The following DYM variants were observed in gnomAD, a reference collection of about 807,000 sequenced individuals.
The protein encoded by DYM is dymeclin.
In DYM, 78 loss-of-function variants were observed where a neutral mutation model predicts 93.1. The observed-to-expected ratio is 0.84, with a 90% confidence interval of 0.70 to 1.01. DYM has a LOEUF of 1.01. DYM is among the 50% of genes least tolerant of loss of function. DYM has a pLI of 0.00. For synonymous variants in DYM, 321 were observed against 319.7 expected (o/e 1.00, Z -0.04); for missense variants, 789 against 845.0 (o/e 0.93, Z 0.82).
At chr18:49,451,784 T>C (rs1002668162) in intron 1 of DYM, among the ~76,000 whole-genome samples, 11 of 152,264 alleles carry the variant, frequency 7.2e-5, no homozygotes, top group African/African-American at 2.7e-4. Context: ...AGAGAAAATA[T>C]GCTCCAAAGC....
chr18:49,066,756 T>C (rs2076421580), intron 17 of DYM, among the ~76,000 whole-genome samples: 1 of 152,214 alleles, frequency 6.6e-6, no homozygotes, highest in Non-Finnish European at 1.5e-5. Flanking sequence ...ATACCTTCTT[T>C]ACTGCTTTTC....
intron 6 of DYM, among the ~76,000 whole-genome samples, chr18:49,335,531 GAAAGACAA>G (rs2063592984): frequency 6.6e-6 from 1 of 152,176 alleles, no homozygotes; most frequent in African/African-American, 2.4e-5. Flanking sequence ...TGAATTGAAT[GAAAGACAA>G]ACTTGATGTT....
At chr18:49,062,887 C>T (rs1338089771) in intron 17 of DYM, among the ~76,000 whole-genome samples, 1 of 152,170 alleles carries the variant, frequency 6.6e-6, no homozygotes, top group Non-Finnish European at 1.5e-5. Flanking sequence ...AAATGGATGT[C>T]GTGATGGGAA....
chr18:49,226,598 C>T (rs753046285), intron 13 of DYM, among the ~76,000 whole-genome samples: 1 of 152,158 alleles, frequency 6.6e-6, no homozygotes, highest in Non-Finnish European at 1.5e-5. Flanking sequence ...TTCCTTCTGG[C>T]ACTTTCTTGT....
chr18:49,275,266 T>C (rs923936098), intron 10 of DYM, among the ~76,000 whole-genome samples: 1 of 152,156 alleles, frequency 6.6e-6, no homozygotes, highest in East Asian at 1.9e-4. Context: ...TGGCTAAAAA[T>C]CAGTTGATGA....
chr18:49,384,532 G>A (rs1315409503), intron 3 of DYM, among the ~76,000 whole-genome samples: 1 of 151,144 alleles, frequency 6.6e-6, no homozygotes, highest in Non-Finnish European at 1.5e-5. Flanking sequence ...AGGCTGAGGT[G>A]GGACAATGGC....
At chr18:49,090,240 T>A (rs533893018) in intron 17 of DYM, among the ~76,000 whole-genome samples, 14 of 152,208 alleles carry the variant, frequency 9.2e-5, no homozygotes, top group Non-Finnish European at 1.8e-4. Context: ...AGAGCCACTG[T>A]GATTGTTGAA....
At chr18:49,342,068 T>A (rs2059814530) in intron 6 of DYM, among the ~76,000 whole-genome samples, 1 of 152,222 alleles carries the variant, frequency 6.6e-6, no homozygotes, top group Non-Finnish European at 1.5e-5. Context: ...TGCATTCCAT[T>A]CTGGAGGCTC....
intron 15 of DYM, among the ~76,000 whole-genome samples, chr18:49,147,712 T>C (rs2085319519): frequency 6.6e-6 from 1 of 151,966 alleles, no homozygotes; most frequent in Non-Finnish European, 1.5e-5. Flanking sequence ...GGAGAGGATG[T>C]GGAGAAATAG....
At chr18:49,453,961 T>G (rs2082749774) in intron 1 of DYM, among the ~76,000 whole-genome samples, 3 of 152,176 alleles carry the variant, frequency 2.0e-5, no homozygotes, top group Admixed American at 6.5e-5. Context: ...GAATGTTACT[T>G]TTATATTAAC....
At chr18:49,422,316 ACT>A (rs2073812475) in intron 2 of DYM, among the ~76,000 whole-genome samples, 1 of 152,204 alleles carries the variant, frequency 6.6e-6, no homozygotes, top group African/African-American at 2.4e-5. Context: ...CTCGGCAGAA[ACT>A]CTACAAGCCA....
chr18:49,460,407 C>G lies in DYM; in HGVS notation c.-63G>C, dbSNP rs2083406033. ...CGGCGCTACAGCCCACCTGTCTCAG[C>G]CGGCTGGGGGATCTGCTCCAGCTCC... On this transcript the variant is annotated 5_prime_UTR_variant, in exon 1 of 18. Coordinates refer to ENST00000675505, the MANE Select transcript of DYM (RefSeq NM_001353214.3). The G allele has an allele frequency of 6.6e-6, 1 of 152,260 alleles. No individual in the cohort carries two copies. Among genetic ancestry groups the G allele is most frequent in the Admixed American group, 6.5e-5 (1 of 15,290 alleles). The allele number at this position is 152,260 out of a possible 1,614,324, so 9.4% of individuals were successfully genotyped here.
chr18:49,171,521 G>C lies in DYM; in HGVS notation c.1626-7734C>G, dbSNP rs143454667. ...CGTGATCAAATTTACATTATGTAGTGAATACAAAAGTTCTTTATAAATCCT... is the reference window on the plus strand; with the variant it reads ...CGTGATCAAATTTACATTATGTAGTCAATACAAAAGTTCTTTATAAATCCT... On this transcript the variant is annotated intron_variant, in intron 14 of 17. Coordinates refer to ENST00000675505, the MANE Select transcript of DYM (RefSeq NM_001353214.3). Among the ~76,000 whole-genome samples, 305 of 152,150 alleles carry C rather than the reference G, an allele frequency of 2.0e-3. 1 individual carries two copies. Among genetic ancestry groups the C allele is most frequent in the African/African-American group, 7.2e-3 (297 of 41,526 alleles).
At position 49,118,935 on chromosome 18, in the gene DYM, G is replaced by A; in HGVS notation, c.1729-9C>T. 6.2e-7 allele frequency: 1 copy of A among 1,613,208 alleles called. No individual in the cohort carries two copies. Among genetic ancestry groups the A allele is most frequent in the East Asian group, 2.2e-5 (1 of 44,824 alleles). On this transcript the variant is annotated splice_polypyrimidine_tract_variant and intron_variant, in intron 15 of 17. Coordinates refer to ENST00000675505, the MANE Select transcript of DYM (RefSeq NM_001353214.3). ...ACATTTAGGTCTTGTGCCTTATAGA[G>A]AAAAGAAACCCCAACACAGAGTCAG...
intron 1 of DYM, among the ~76,000 whole-genome samples, chr18:49,454,907 C>CAAAAAAAAAAAAA (rs35671085): frequency 1.4e-5 from 1 of 73,232 alleles, no homozygotes; most frequent in African/African-American, 5.0e-5. Flanking sequence ...GACTCTGTCT[C>CAAAAAAAAAAAAA]AAAAAAAAAA....
chr18:49,096,616 A>G (rs1437052095), intron 17 of DYM, among the ~76,000 whole-genome samples: 1 of 152,258 alleles, frequency 6.6e-6, no homozygotes, highest in Non-Finnish European at 1.5e-5. Flanking sequence ...GCAATGCTGT[A>G]CATTCATGCA....
intron 11 of DYM, among the ~76,000 whole-genome samples, chr18:49,259,669 A>T (rs1001477621): frequency 3.3e-5 from 5 of 152,210 alleles, no homozygotes; most frequent in African/African-American, 1.2e-4. Context: ...GGTATGATAT[A>T]TTTTTTAAAG....
At chr18:49,289,758 T>TATATATATACACAC (rs2059959525) in intron 8 of DYM, among the ~76,000 whole-genome samples, 1 of 38,166 alleles carries the variant, frequency 2.6e-5, no homozygotes, top group African/African-American at 6.9e-5. Flanking sequence ...TATATATATA[T>TATATATATACACAC]ATATATATAT....
intron 16 of DYM, among the ~76,000 whole-genome samples, chr18:49,117,411 A>C (rs1227969743): frequency 6.6e-6 from 1 of 152,208 alleles, no homozygotes; most frequent in Non-Finnish European, 1.5e-5. Flanking sequence ...ACTCACATTT[A>C]ATTGTGTAGA....
Sources: allele counts gnomAD v4.1 joint callset (sites outside exome capture counted in the v4.1 genomes callset), GRCh38; gene constraint gnomAD v4.1.1; transcripts MANE v1.5; gene names NCBI Gene and HGNC (gene_info 2026-07-23, HGNC 2026-07-21).